The following IGF1R variants were observed in gnomAD, a reference collection of about 807,000 sequenced individuals.
The protein encoded by IGF1R is insulin-like growth factor 1 receptor.
In IGF1R, 44 loss-of-function variants were observed where a neutral mutation model predicts 144.6. The observed-to-expected ratio is 0.30, with a 90% CI of 0.24 to 0.39. The LOEUF is 0.39. Among genes scored for constraint, IGF1R ranks in the 10% least tolerant of loss-of-function variants. The pLI, the probability that IGF1R is intolerant of heterozygous loss-of-function variation, is 1.00. For synonymous variants in IGF1R, 795 were observed against 722.8 expected (o/e 1.10, Z -1.60); for missense variants, 1,355 against 1,833.7 (o/e 0.74, Z 4.77).
intron 20 of IGF1R, among the ~76,000 whole-genome samples, chr15:98,950,738 A>G (rs2016740805): frequency 6.6e-6 from 1 of 152,212 alleles, no homozygotes; most frequent in African/African-American, 2.4e-5. Context: ...AAGCCTGATT[A>G]GAGGAGTGAA....
chr15:98,682,203 A>G (rs45610644), intron 1 of IGF1R, among the ~76,000 whole-genome samples: 141 of 152,288 alleles, frequency 9.3e-4, no homozygotes, highest in Middle Eastern at 3.4e-3. Context: ...TCCGTCTCCT[A>G]AATCATATTA....
chr15:98,887,537 GT>G (rs762104895), intron 2 of IGF1R, among the ~76,000 whole-genome samples: 16 of 152,058 alleles, frequency 1.1e-4, no homozygotes, highest in Non-Finnish European at 1.6e-4. Context: ...GTAGATGTTG[GT>G]CCCCCCAGTT....
intron 2 of IGF1R, among the ~76,000 whole-genome samples, chr15:98,799,330 A>G (rs542558880): frequency 1.3e-4 from 19 of 150,992 alleles, no homozygotes; most frequent in African/African-American, 4.1e-4. Flanking sequence ...TCTTTGTAAG[A>G]GCTTTCATTG....
chr15:98,659,034 A>G (rs550282577), intron 1 of IGF1R, among the ~76,000 whole-genome samples: 2 of 152,342 alleles, frequency 1.3e-5, no homozygotes, highest in African/African-American at 4.8e-5. Flanking sequence ...TTGGACTTCA[A>G]CTGCTACTGT....
intron 2 of IGF1R, among the ~76,000 whole-genome samples, chr15:98,800,042 G>C (rs1306597604): frequency 6.6e-6 from 1 of 152,078 alleles, no homozygotes; most frequent in Non-Finnish European, 1.5e-5. Context: ...CTTGTATTTG[G>C]GCCCTGCTTT....
intron 1 of IGF1R, among the ~76,000 whole-genome samples, chr15:98,665,280 G>C (rs570141355): frequency 6.6e-6 from 1 of 152,142 alleles, no homozygotes; most frequent in Non-Finnish European, 1.5e-5. Flanking sequence ...TGTAAAGAGA[G>C]TTTGACAAGC....
chr15:98,891,655 G>A lies in IGF1R; in HGVS notation c.953+18G>A, dbSNP rs34524380. Reference sequence around the variant, plus strand: ...AGCCAGAGGTCAGTCGCGGCCACACGTGTGGTCACTACCCGCCCCACCTCA... The same window carrying A: ...AGCCAGAGGTCAGTCGCGGCCACACATGTGGTCACTACCCGCCCCACCTCA... On this transcript the variant is annotated intron_variant, in intron 3 of 20. Coordinates refer to ENST00000650285, the MANE Select transcript of IGF1R (RefSeq NM_000875.5). This position sits in a 1 kb window ranked among gnomAD's most constrained non-coding sequence, Gnocchi z 4.7. 1.2e-4 allele frequency: 189 copies of A among 1,597,872 alleles called. No homozygotes were observed. Among genetic ancestry groups the A allele is most frequent in the Admixed American group, 4.5e-4 (27 of 59,940 alleles).
chr15:98,904,270 T>G (rs991881126), intron 5 of IGF1R, among the ~76,000 whole-genome samples: 1 of 152,102 alleles, frequency 6.6e-6, no homozygotes, highest in Non-Finnish European at 1.5e-5. Flanking sequence ...GCCAGTATGG[T>G]CTCGATCATC....
At chr15:98,722,437 A>G (rs762940195) in intron 2 of IGF1R, among the ~76,000 whole-genome samples, 18 of 152,210 alleles carry the variant, frequency 1.2e-4, no homozygotes, top group Non-Finnish European at 2.5e-4. Context: ...ATGAGTTGTA[A>G]TGCAAAACTT....
chr15:98,859,244 T>A (rs2012010387), intron 2 of IGF1R, among the ~76,000 whole-genome samples: 1 of 152,208 alleles, frequency 6.6e-6, no homozygotes, highest in South Asian at 2.1e-4. Flanking sequence ...AAAGCACATT[T>A]CATTTAGTTT....
intron 1 of IGF1R, among the ~76,000 whole-genome samples, chr15:98,669,386 T>C (rs909781018): frequency 6.6e-6 from 1 of 152,222 alleles, no homozygotes; most frequent in Non-Finnish European, 1.5e-5. Flanking sequence ...GAATTTTGCA[T>C]GCCAGTTATT....
chr15:98,878,693 A>AAAAAAAAAAAAAAAAAAAC (rs1567174382), intron 2 of IGF1R, among the ~76,000 whole-genome samples: 1 of 126,116 alleles, frequency 7.9e-6, no homozygotes, highest in Non-Finnish European at 1.6e-5. Context: ...AAAAAAAAAA[A>AAAAAAAAAAAAAAAAAAAC]AACAACAACA....
In IGF1R at chr15:98,902,225, TA is replaced by T. The variant is rs1204632672; in HGVS notation, c.1247+2607del. Among the ~76,000 whole-genome samples, 8 of 152,212 alleles carry T rather than the reference TA, an allele frequency of 5.3e-5. No homozygotes were observed. The East Asian group carries it at 1.5e-3, about 29-fold the overall frequency. On this transcript the variant is annotated intron_variant, in intron 5 of 20. Coordinates refer to ENST00000650285, the MANE Select transcript of IGF1R (RefSeq NM_000875.5). ...TAGGATCCAGGAATCAGTGCTTGTC[TA>T]AAGATCCCTAGGCACTTCAGCAGGC...
chr15:98,837,235 TTTTG>T (rs760001467), intron 2 of IGF1R, among the ~76,000 whole-genome samples: 14 of 151,818 alleles, frequency 9.2e-5, no homozygotes, highest in Admixed American at 2.0e-4. Context: ...GCCCCACCAG[TTTTG>T]TTTGTTTGTT....
At chr15:98,735,889 C>T (rs1232075183) in intron 2 of IGF1R, among the ~76,000 whole-genome samples, 1 of 152,210 alleles carries the variant, frequency 6.6e-6, no homozygotes, top group Non-Finnish European at 1.5e-5. Context: ...TCCAAGGCTC[C>T]TCCTGCCTCC....
intron 2 of IGF1R, among the ~76,000 whole-genome samples, chr15:98,802,415 C>G (rs2056382038): frequency 6.6e-6 from 1 of 152,132 alleles, no homozygotes; most frequent in Non-Finnish European, 1.5e-5. Flanking sequence ...TCTGAAGGTG[C>G]TAGCCCTAGT....
chr15:98,801,672 G>A (rs1419038027), intron 2 of IGF1R, among the ~76,000 whole-genome samples: 2 of 152,252 alleles, frequency 1.3e-5, no homozygotes, highest in African/African-American at 4.8e-5. Flanking sequence ...AGAGCATTCT[G>A]CATGAGGCAT....
intron 20 of IGF1R, among the ~76,000 whole-genome samples, chr15:98,955,897 AGCC>A (rs1567222120): frequency 9.8e-5 from 15 of 152,364 alleles, no homozygotes; most frequent in Middle Eastern, 3.4e-3. Flanking sequence ...GCATCTCTTT[AGCC>A]AGAATTTTAA....
chr15:98,806,000 C>CCA (rs2056463342), intron 2 of IGF1R, among the ~76,000 whole-genome samples: 1 of 152,098 alleles, frequency 6.6e-6, no homozygotes, highest in African/African-American at 2.4e-5. Context: ...TATGGGGTGC[C>CCA]CACACTTCTG....
Sources: allele counts gnomAD v4.1 joint callset (sites outside exome capture counted in the v4.1 genomes callset), GRCh38; gene constraint gnomAD v4.1.1; non-coding constraint Gnocchi (gnomAD v3.1); transcripts MANE v1.5; gene names NCBI Gene and HGNC (gene_info 2026-07-23, HGNC 2026-07-21).